PAK1: variants seen among roughly 807,000 people sequenced by gnomAD.
The protein encoded by PAK1 is serine/threonine-protein kinase PAK 1.
In PAK1, 29 loss-of-function variants were observed where a neutral mutation model predicts 67.4. The ratio of observed to expected loss-of-function variants is 0.43; its 90% CI spans 0.32 to 0.59. The LOEUF (loss-of-function observed/expected upper bound fraction) is 0.59, where lower values mean the gene tolerates loss of function less well. Among genes scored for constraint, PAK1 ranks in the 20% least tolerant of loss-of-function variants. PAK1 has a pLI of 0.07. For synonymous variants in PAK1, 223 were observed against 237.4 expected (o/e 0.94, Z 0.56); for missense variants, 337 against 670.7 (o/e 0.50, Z 5.50).
intron 1 of PAK1, among the ~76,000 whole-genome samples, chr11:77,456,737 T>C (rs1957095737): frequency 1.3e-5 from 2 of 151,988 alleles, no homozygotes; most frequent in South Asian, 4.1e-4. Flanking sequence ...ATTATTATTA[T>C]TTGGTTTTTT....
chr11:77,413,717 G>A (rs963884688), intron 1 of PAK1, among the ~76,000 whole-genome samples: 1 of 151,580 alleles, frequency 6.6e-6, no homozygotes, highest in Non-Finnish European at 1.5e-5. Flanking sequence ...GAAAGAAAAG[G>A]AAGGAAGGAA....
chr11:77,379,421 GCA>G (rs750387640), intron 3 of PAK1, 33 bp from the exon 4 acceptor site: 5 of 1,597,282 alleles, frequency 3.1e-6, no homozygotes, highest in South Asian at 2.2e-5. Context: ...TAACAGGAAG[GCA>G]CAGTCACAGG....
At chr11:77,404,257 CT>C (rs373161999) in intron 1 of PAK1, among the ~76,000 whole-genome samples, 12 of 151,704 alleles carry the variant, frequency 7.9e-5, no homozygotes, top group African/African-American at 2.9e-4. Context: ...AGCTAATGAG[CT>C]TACTTTTTCT....
intron 1 of PAK1, among the ~76,000 whole-genome samples, chr11:77,409,399 C>T (rs901264349): frequency 2.0e-5 from 3 of 152,060 alleles, no homozygotes; most frequent in Non-Finnish European, 4.4e-5. Context: ...ATGGAGGTTC[C>T]TCAGAAACTA....
At chr11:77,459,690 CTT>C (rs755731892) in intron 1 of PAK1, among the ~76,000 whole-genome samples, 9 of 134,542 alleles carry the variant, frequency 6.7e-5, no homozygotes, top group African/African-American at 1.1e-4. Context: ...TCTTCTTCTT[CTT>C]TTTTTTTTTT....
chr11:77,407,658 G>C (rs924114220), intron 1 of PAK1, among the ~76,000 whole-genome samples: 1 of 152,164 alleles, frequency 6.6e-6, no homozygotes, highest in African/African-American at 2.4e-5. Flanking sequence ...ATTCTATAGA[G>C]GCCAGTGGAA....
At chr11:77,363,148 A>G (rs1373396753) in intron 5 of PAK1, among the ~76,000 whole-genome samples, 1 of 152,196 alleles carries the variant, frequency 6.6e-6, no homozygotes, top group Non-Finnish European at 1.5e-5. Flanking sequence ...GCCTGATCAA[A>G]TAGAAGTTTT....
chr11:77,423,525 T>C (rs867511598), intron 1 of PAK1, among the ~76,000 whole-genome samples: 3 of 151,892 alleles, frequency 2.0e-5, no homozygotes, highest in South Asian at 4.2e-4. Context: ...ACTCCATGCT[T>C]TGCAATTCAT....
intron 1 of PAK1, among the ~76,000 whole-genome samples, chr11:77,398,326 G>T (rs7126626): frequency 6.6e-6 from 1 of 151,902 alleles, no homozygotes; most frequent in Non-Finnish European, 1.5e-5. Flanking sequence ...GAATTGTTTT[G>T]ATTTTTAGAT....
intron 5 of PAK1, among the ~76,000 whole-genome samples, chr11:77,373,196 A>C (rs1948659130): frequency 6.6e-6 from 1 of 152,160 alleles, no homozygotes; most frequent in African/African-American, 2.4e-5. Context: ...TTAGTAAATC[A>C]ATATGGCATA....
chr11:77,332,102 A>C (rs1469134554), intron 14 of PAK1, among the ~76,000 whole-genome samples: 5 of 151,642 alleles, frequency 3.3e-5, no homozygotes, highest in African/African-American at 1.2e-4. Context: ...CAGGAATTTG[A>C]GACCATGCAC....
At chr11:77,339,511 C>G (rs1490799306) in intron 11 of PAK1, among the ~76,000 whole-genome samples, 1 of 151,954 alleles carries the variant, frequency 6.6e-6, no homozygotes, top group African/African-American at 2.4e-5. Context: ...GTCAGAACCC[C>G]TAAGAATCCC....
chr11:77,495,437 G>A, the PAK1 span, among the ~76,000 whole-genome samples: 1 of 152,086 alleles, frequency 6.6e-6, no homozygotes, highest in African/African-American at 2.4e-5. Context: ...TCGCACAACT[G>A]CACTCCAGCC....
At chr11:77,474,284 G>T (rs934813347), upstream of PAK1, 1 of 152,244 alleles carries the variant, frequency 6.6e-6, no homozygotes, top group Admixed American at 6.5e-5. Flanking sequence ...GAGGGGGCGG[G>T]GAGGGCCTGA....
chr11:77,461,019 T>C (rs1348693118), intron 1 of PAK1, among the ~76,000 whole-genome samples: 4 of 152,324 alleles, frequency 2.6e-5, no homozygotes, highest in East Asian at 1.9e-4. Context: ...GTCAGTTGAA[T>C]AGGCCAATTC....
intron 1 of PAK1, among the ~76,000 whole-genome samples, chr11:77,433,356 A>T (rs963824591): frequency 6.6e-6 from 1 of 152,238 alleles, no homozygotes; most frequent in African/African-American, 2.4e-5. Context: ...TCAAAAATAA[A>T]AACTTTTGTG....
At chr11:77,415,120 G>A (rs1954877616) in intron 1 of PAK1, among the ~76,000 whole-genome samples, 2 of 152,192 alleles carry the variant, frequency 1.3e-5, no homozygotes, top group Non-Finnish European at 2.9e-5. Flanking sequence ...ATAAGCATAT[G>A]AAAAGATGCT....
intron 5 of PAK1, among the ~76,000 whole-genome samples, chr11:77,360,306 A>G (rs771686339): frequency 3.3e-5 from 5 of 152,200 alleles, no homozygotes; most frequent in Admixed American, 1.3e-4. Flanking sequence ...TGTGGTGACC[A>G]TAGGCAATAA....
intron 14 of PAK1, chr11:77,329,455 C>T (rs1303993874): frequency 6.6e-6 from 1 of 152,200 alleles, no homozygotes; most frequent in Non-Finnish European, 1.5e-5. Context: ...GGGCTTCATC[C>T]CTGGGATGCA....
Sources: gnomAD v4.1 joint callset for allele counts (sites outside exome capture counted in the v4.1 genomes callset) on GRCh38, gnomAD v4.1.1 for gene constraint, MANE v1.5 for transcripts, NCBI Gene and HGNC (gene_info 2026-07-23, HGNC 2026-07-21) for gene names.